Variants in ITFG1 observed in about 807,000 individuals in gnomAD.
ITFG1 encodes integrin alpha FG-GAP repeat containing 1.
ITFG1 carries 34 observed loss-of-function variants against 81.8 expected under a neutral mutation model. That is an observed-to-expected ratio of 0.42 (90% CI 0.32 to 0.55). ITFG1 has a LOEUF of 0.55. Ranked by LOEUF, ITFG1 falls within the 20% of genes least tolerant of loss-of-function variation. The probability of loss-of-function intolerance (pLI) is 0.17; values close to 1 mark genes in which losing one functional copy is unlikely to be tolerated. For missense variants in ITFG1, 672 were observed against 755.4 expected (o/e 0.89, Z 1.29); for synonymous variants, 285 against 270.6 (o/e 1.05, Z -0.52).
At chr16:47,420,021 G>A (rs1968924799) in intron 6 of ITFG1, among the ~76,000 whole-genome samples, 1 of 150,152 alleles carries the variant, frequency 6.7e-6, no homozygotes, top group Non-Finnish European at 1.5e-5. Flanking sequence ...GTGCAATCAT[G>A]GTTCACTGCA....
intron 5 of ITFG1, among the ~76,000 whole-genome samples, chr16:47,440,500 T>C (rs1969232692): frequency 6.6e-6 from 1 of 152,180 alleles, no homozygotes; most frequent in South Asian, 2.1e-4. Context: ...CAGACCACAT[T>C]GCAATCAAAC....
At chr16:47,291,746 AT>A (rs796110202) in intron 10 of ITFG1, among the ~76,000 whole-genome samples, 1 of 151,930 alleles carries the variant, frequency 6.6e-6, no homozygotes, top group Non-Finnish European at 1.5e-5. Flanking sequence ...TGTCTATTTT[AT>A]TTTTTATTTC....
intron 8 of ITFG1, among the ~76,000 whole-genome samples, chr16:47,346,253 G>A (rs1017056135): frequency 1.3e-5 from 2 of 152,158 alleles, no homozygotes; most frequent in African/African-American, 4.8e-5. Flanking sequence ...AACCACAACT[G>A]TATAAAAATA....
intron 10 of ITFG1, among the ~76,000 whole-genome samples, chr16:47,295,283 T>C (rs914962024): frequency 6.6e-6 from 1 of 152,226 alleles, no homozygotes; most frequent in Non-Finnish European, 1.5e-5. Context: ...TTTTGTTGTG[T>C]ACTTGTCTAA....
intron 5 of ITFG1, among the ~76,000 whole-genome samples, chr16:47,433,603 C>T (rs1279777820): frequency 1.3e-5 from 2 of 151,626 alleles, no homozygotes; most frequent in Non-Finnish European, 2.9e-5. Context: ...TACTTATTGC[C>T]TATGTTTTGC....
intron 6 of ITFG1, among the ~76,000 whole-genome samples, chr16:47,423,191 C>T (rs1247424974): frequency 6.6e-6 from 1 of 150,794 alleles, no homozygotes. Context: ...CCTTCTTTGT[C>T]TCTTTTGATC....
intron 6 of ITFG1, among the ~76,000 whole-genome samples, chr16:47,386,163 A>G (rs185536127): frequency 8.0e-4 from 122 of 152,322 alleles, no homozygotes; most frequent in African/African-American, 2.8e-3. Flanking sequence ...TAAAACAAGC[A>G]TAACTGGGGG....
intron 6 of ITFG1, among the ~76,000 whole-genome samples, chr16:47,389,662 G>A (rs2151595291): frequency 6.6e-6 from 1 of 152,232 alleles, no homozygotes; most frequent in East Asian, 1.9e-4. Flanking sequence ...CAATAAGGGG[G>A]AAAGAGAATA....
chr16:47,194,735 G>A (rs1376826292), intron 14 of ITFG1, among the ~76,000 whole-genome samples: 5 of 151,798 alleles, frequency 3.3e-5, no homozygotes, highest in African/African-American at 1.2e-4. Flanking sequence ...TTTATTTTAA[G>A]TTCCGGGATA....
chr16:47,449,243 TA>T (rs1230872376), intron 5 of ITFG1: 1 of 152,200 alleles, frequency 6.6e-6, no homozygotes, highest in East Asian at 1.9e-4. Flanking sequence ...GGCATATCCA[TA>T]AAGCATAATA....
At chr16:47,425,589 CTTTT>C (rs552533924) in intron 6 of ITFG1, among the ~76,000 whole-genome samples, 1 of 135,224 alleles carries the variant, frequency 7.4e-6, no homozygotes, top group Non-Finnish European at 1.6e-5. Flanking sequence ...AGTGACGCTC[CTTTT>C]TTTTTTTTTT....
chr16:47,322,834 T>C (rs1488609755), intron 8 of ITFG1, among the ~76,000 whole-genome samples: 1 of 152,198 alleles, frequency 6.6e-6, no homozygotes, highest in East Asian at 1.9e-4. Context: ...AAGTATATAT[T>C]GTTATTAACT....
At chr16:47,294,043 T>C (rs1354627004) in intron 10 of ITFG1, among the ~76,000 whole-genome samples, 1 of 152,130 alleles carries the variant, frequency 6.6e-6, no homozygotes, top group African/African-American at 2.4e-5. Context: ...TTTTTAAATA[T>C]GGTGAGATAT....
chr16:47,269,566 C>G (rs1342473087), intron 10 of ITFG1, among the ~76,000 whole-genome samples: 1 of 145,668 alleles, frequency 6.9e-6, no homozygotes, highest in Admixed American at 6.9e-5. Context: ...AGGTATAAAT[C>G]TGACAAAAGA....
At chr16:47,299,391 C>T (rs973364037) in intron 10 of ITFG1, 1 of 152,498 alleles carries the variant, frequency 6.6e-6, no homozygotes, top group Non-Finnish European at 1.5e-5. Context: ...CCACGGAATT[C>T]TCAGCGGTCT....
At chr16:47,454,478 G>A (rs1453352352) in intron 2 of ITFG1, among the ~76,000 whole-genome samples, 2 of 152,062 alleles carry the variant, frequency 1.3e-5, no homozygotes, top group African/African-American at 4.8e-5. Flanking sequence ...CAAGACATTC[G>A]GATGGTGTTT....
intron 12 of ITFG1, among the ~76,000 whole-genome samples, chr16:47,243,963 G>C (rs552841845): frequency 6.6e-6 from 1 of 152,138 alleles, no homozygotes; most frequent in South Asian, 2.1e-4. Flanking sequence ...CCTGGGAGGC[G>C]GAAGTTGCAG....
At chr16:47,415,003 A>G (rs573370818) in intron 6 of ITFG1, among the ~76,000 whole-genome samples, 39 of 152,322 alleles carry the variant, frequency 2.6e-4, no homozygotes, top group Non-Finnish European at 4.0e-4. Flanking sequence ...GGGTGCCTGC[A>G]TGAATATCCC....
chr16:47,423,831 C>G (rs1219664914), intron 6 of ITFG1, among the ~76,000 whole-genome samples: 1 of 152,194 alleles, frequency 6.6e-6, no homozygotes, highest in Non-Finnish European at 1.5e-5. Context: ...TTGTGGGTAA[C>G]CCGACCTTTC....
Sources: gnomAD v4.1 joint callset for allele counts (sites outside exome capture counted in the v4.1 genomes callset) on GRCh38, gnomAD v4.1.1 for gene constraint, MANE v1.5 for transcripts, NCBI Gene and HGNC (gene_info 2026-07-23, HGNC 2026-07-21) for gene names.